RHCE: variants seen among roughly 807,000 people sequenced by gnomAD.
The protein encoded by RHCE is blood group Rh(CE) polypeptide.
A neutral mutation model predicts 43.8 loss-of-function variants in RHCE; 22 were observed. The observed-to-expected ratio is 0.50, with a 90% CI of 0.36 to 0.72. The LOEUF (loss-of-function observed/expected upper bound fraction) is 0.72. Ranked by LOEUF, RHCE falls within the 30% of genes least tolerant of loss-of-function variation. The pLI is 0.00. For missense variants in RHCE, 385 were observed against 525.4 expected, an observed-to-expected ratio of 0.73 and a Z score of 2.61; for synonymous variants, 156 against 210.7, an observed-to-expected ratio of 0.74 and a Z score of 2.25.
intron 8 of RHCE, among the ~76,000 whole-genome samples, chr1:25,371,476 C>T (rs999296189): frequency 2.6e-5 from 4 of 151,184 alleles, no homozygotes; most frequent in African/African-American, 9.8e-5. Flanking sequence ...GCACAAGCAA[C>T]CCCCCCACCT....
intron 1 of RHCE, among the ~76,000 whole-genome samples, chr1:25,412,484 A>G (rs2473371): frequency 6.6e-6 from 1 of 151,902 alleles, no homozygotes; most frequent in African/African-American, 2.4e-5. Flanking sequence ...AGGCCAAGGA[A>G]GGAGGATTGC....
chr1:25,385,904 C>T (rs1436989239), intron 6 of RHCE, 60 bp from the exon 7 acceptor site: 1 of 1,612,910 alleles, frequency 6.2e-7, no homozygotes, highest in African/African-American at 1.3e-5. Context: ...CCTACCCACC[C>T]CTTTCACACA....
intron 7 of RHCE, among the ~76,000 whole-genome samples, chr1:25,380,549 TA>T (rs1380947099): frequency 1.3e-5 from 2 of 152,254 alleles, no homozygotes; most frequent in African/African-American, 4.8e-5. Flanking sequence ...CTTTGAAATG[TA>T]GGTGGGAGAA....
At position 25,370,504 on chromosome 1, in the gene RHCE, T is replaced by C. The variant is rs1372583201; in HGVS notation, c.1190A>G (p.His397Arg). 1.9e-6 allele frequency: 3 copies of C among 1,612,596 alleles called. No homozygotes were observed. In the South Asian group the frequency reaches 3.3e-5, roughly 18 times the overall value. The part of the protein sequence containing the change: ...LLNLKIWKAP[H>R]VAKYFDDQVF... ...TTGGTCATCAAAATATTTAGCCACA[T>C]GAGGTGCTTTCCATATTTTGAGATT... Residue 397 changes from histidine (H) to arginine (R), a missense_variant, in exon 9 of 10, where the codon CAT (histidine) becomes CGT (arginine). His to Arg is a conservative substitution (Grantham distance 29). Transcript: ENST00000294413.
intron 6 of RHCE, among the ~76,000 whole-genome samples, chr1:25,386,683 G>A (rs1335171892): frequency 3.3e-5 from 5 of 152,166 alleles, no homozygotes; most frequent in Admixed American, 6.5e-5. Context: ...TTAGCTGGGC[G>A]TGGTGGAGGG....
At chr1:25,411,616 A>G (rs1052949835) in intron 1 of RHCE, 1 of 569,504 alleles carries the variant, frequency 1.8e-6, no homozygotes, top group Non-Finnish European at 2.9e-6. Context: ...GAAGGATTCA[A>G]CTCTTTGCAC....
At chr1:25,380,465 C>T (rs1265622480) in intron 7 of RHCE, among the ~76,000 whole-genome samples, 2 of 151,734 alleles carry the variant, frequency 1.3e-5, no homozygotes, top group Non-Finnish European at 2.9e-5. Flanking sequence ...GGGGTCTTGG[C>T]GGTGGCCCCA....
chr1:25,378,965 T>C (rs557453891), intron 7 of RHCE, among the ~76,000 whole-genome samples: 32 of 152,264 alleles, frequency 2.1e-4, no homozygotes, highest in African/African-American at 7.7e-4. Flanking sequence ...ACAACTACAA[T>C]GTTGAGTAAA....
At position 25,408,799 on chromosome 1, in the gene RHCE, G is replaced by A. The variant is rs1557636779; in HGVS notation, c.219C>T (p.Ser73=). The change falls in exon 2 of 10, where the codon AGC becomes AGT. Residue 73 remains serine (S), a synonymous_variant. Transcript: ENST00000294413. ...GFLTSNFRRH[S]WSSVAFNLFM... The stretch of plus-strand genomic sequence containing the variant: ...AGAGGTTGAAGGCCACACTGCTCCA[G>A]CTGTGTCTCCGGAAATTTGAGGTGA... 7.8e-7 allele frequency: 1 copy of A among 1,282,940 alleles called. No homozygotes were observed. The highest frequency in any genetic ancestry group is 1.0e-6 in the Non-Finnish European group (1 of 962,856). 79.5% of individuals were successfully genotyped at this position (1,282,940 alleles called of 1,614,324 possible). A position where few individuals can be genotyped will look rare whatever the true frequency, so the allele number is the denominator to read the frequency against.
intron 6 of RHCE, among the ~76,000 whole-genome samples, chr1:25,386,993 T>C (rs899055612): frequency 2.6e-5 from 4 of 152,112 alleles, no homozygotes; most frequent in African/African-American, 9.7e-5. Flanking sequence ...ATTGCACCAC[T>C]GCACTCCAGC....
chr1:25,410,441 T>A (rs1358502300), intron 1 of RHCE, among the ~76,000 whole-genome samples: 1 of 152,080 alleles, frequency 6.6e-6, no homozygotes, highest in African/African-American at 2.4e-5. Flanking sequence ...AGACAATTTT[T>A]TTTTTTTCGA....
intron 2 of RHCE, among the ~76,000 whole-genome samples, chr1:25,407,235 A>T (rs1487155240): frequency 8.1e-6 from 1 of 123,106 alleles, no homozygotes; most frequent in Non-Finnish European, 1.9e-5. Context: ...TAAACCTTTT[A>T]AAAAAGAAAA....
intron 1 of RHCE, among the ~76,000 whole-genome samples, chr1:25,409,816 T>C (rs971973013): frequency 6.6e-6 from 1 of 151,604 alleles, no homozygotes; most frequent in Non-Finnish European, 1.5e-5. Context: ...ACATGGGTGC[T>C]GTTACTGTCA....
intron 3 of RHCE, among the ~76,000 whole-genome samples, chr1:25,396,124 C>T (rs1366365225): frequency 6.6e-6 from 1 of 151,524 alleles, no homozygotes; most frequent in South Asian, 2.1e-4. Context: ...AAAATGCATA[C>T]CCACAATCTA....
At chr1:25,390,245 CT>C (rs1367538574) in intron 5 of RHCE, among the ~76,000 whole-genome samples, 18 of 152,348 alleles carry the variant, frequency 1.2e-4, no homozygotes, top group East Asian at 1.9e-4. Flanking sequence ...CCGTTAAGCA[CT>C]TTACATGCAC....
intron 3 of RHCE, among the ~76,000 whole-genome samples, chr1:25,396,005 T>TAA (rs1448767299): frequency 1.3e-5 from 2 of 151,596 alleles, no homozygotes; most frequent in African/African-American, 4.9e-5. Context: ...GGTACCATCT[T>TAA]AACCCAATGA....
chr1:25,428,543 A>T (rs1485821639), intron 2 of RHCE, among the ~76,000 whole-genome samples: 2 of 152,204 alleles, frequency 1.3e-5, no homozygotes, highest in African/African-American at 4.8e-5. Context: ...CAATATACTG[A>T]AGTAGAATTA....
chr1:25,427,043 C>T (rs1265827696), intron 2 of RHCE, among the ~76,000 whole-genome samples: 1 of 148,354 alleles, frequency 6.7e-6, no homozygotes, highest in Non-Finnish European at 1.5e-5. Context: ...GGTGACAGAG[C>T]AAGACTCCAT....
At chr1:25,382,396 G>A (rs1646027720) in intron 7 of RHCE, among the ~76,000 whole-genome samples, 1 of 148,418 alleles carries the variant, frequency 6.7e-6, no homozygotes, top group Non-Finnish European at 1.5e-5. Flanking sequence ...TTCATCAAAT[G>A]GTACTTGTAT....
Sources: allele counts gnomAD v4.1 joint callset (sites outside exome capture counted in the v4.1 genomes callset), GRCh38; gene constraint gnomAD v4.1.1; transcripts MANE v1.5; gene names NCBI Gene and HGNC (gene_info 2026-07-23, HGNC 2026-07-21).